Variants in LAMA1 observed in about 807,000 individuals in gnomAD.
LAMA1 encodes laminin subunit alpha-1.
Under a neutral mutation model 348.7 loss-of-function variants are expected in LAMA1, and 219 were observed. That is an observed-to-expected ratio of 0.63 (90% CI 0.56 to 0.70). LAMA1 has a LOEUF of 0.70. LAMA1 is among the 30% of genes least tolerant of loss of function. The probability of loss-of-function intolerance (pLI) is 0.00; values close to 1 mark genes in which losing one functional copy is unlikely to be tolerated. For missense variants in LAMA1, 3,744 were observed against 3,888.0 expected (o/e 0.96, Z 0.99); for synonymous variants, 1,487 against 1,491.0 (o/e 1.00, Z 0.06).
chr18:7,050,370 A>T (rs1417403155), intron 4 of LAMA1, among the ~76,000 whole-genome samples: 1 of 152,170 alleles, frequency 6.6e-6, no homozygotes, highest in African/African-American at 2.4e-5. Flanking sequence ...AGGGAACTAC[A>T]ACTTTGGGGG....
At chr18:7,004,039 A>AT (rs2057820706) in intron 29 of LAMA1, among the ~76,000 whole-genome samples, 1 of 152,130 alleles carries the variant, frequency 6.6e-6, no homozygotes, top group Non-Finnish European at 1.5e-5. Flanking sequence ...AGAATTGAAG[A>AT]TTTTCAGGTT....
At chr18:7,003,891 A>T (rs2057820020) in intron 29 of LAMA1, among the ~76,000 whole-genome samples, 1 of 152,196 alleles carries the variant, frequency 6.6e-6, no homozygotes, top group Admixed American at 6.5e-5. Context: ...CCTGATGAGG[A>T]TAAATTTTAC....
intron 36 of LAMA1, among the ~76,000 whole-genome samples, chr18:6,988,514 C>T (rs1013523317): frequency 2.0e-5 from 3 of 152,170 alleles, no homozygotes; most frequent in African/African-American, 4.8e-5. Context: ...AATGACATAT[C>T]TTTGGTCGGG....
chr18:7,006,784 A>C (rs1486825596), intron 29 of LAMA1, among the ~76,000 whole-genome samples: 1 of 152,220 alleles, frequency 6.6e-6, no homozygotes, highest in Non-Finnish European at 1.5e-5. Context: ...GCATCTAACT[A>C]TAACTAACAT....
intron 56 of LAMA1, 191 bp downstream of exon 56, chr18:6,956,445 C>T (rs780013986): frequency 3.8e-5 from 32 of 838,668 alleles, no homozygotes; most frequent in South Asian, 3.3e-4. Flanking sequence ...TGGATTGGGC[C>T]GTGTCATCTG....
At chr18:7,021,352 C>A (rs1162978781) in intron 19 of LAMA1, among the ~76,000 whole-genome samples, 1 of 152,142 alleles carries the variant, frequency 6.6e-6, no homozygotes, top group Non-Finnish European at 1.5e-5. Context: ...AAGCGAAGAA[C>A]CAAATCTCTG....
intron 48 of LAMA1, among the ~76,000 whole-genome samples, chr18:6,969,492 C>T (rs2057648712): frequency 6.6e-6 from 1 of 152,186 alleles, no homozygotes; most frequent in South Asian, 2.1e-4. Flanking sequence ...TTTTTTAACT[C>T]AGTGTTTCCC....
At chr18:7,067,714 T>C (rs1462166916) in intron 3 of LAMA1, among the ~76,000 whole-genome samples, 1 of 152,132 alleles carries the variant, frequency 6.6e-6, no homozygotes, top group Non-Finnish European at 1.5e-5. Context: ...CGAGAGGAAA[T>C]GTTTATTCTA....
At chr18:6,987,939 A>C (rs1683067996) in intron 36 of LAMA1, among the ~76,000 whole-genome samples, 1 of 152,176 alleles carries the variant, frequency 6.6e-6, no homozygotes, top group African/African-American at 2.4e-5. Flanking sequence ...TAAATAAGAT[A>C]TCTCTCTAAG....
intron 57 of LAMA1, among the ~76,000 whole-genome samples, chr18:6,953,296 G>A (rs2143983761): frequency 6.6e-6 from 1 of 152,394 alleles, no homozygotes; most frequent in East Asian, 1.9e-4. Flanking sequence ...AGTACAGCGG[G>A]GCTTGTGTTC....
chr18:6,949,352 G>A (rs2143971800), intron 58 of LAMA1, 93 bp from the exon 59 acceptor site: 1 of 1,248,174 alleles, frequency 8.0e-7, no homozygotes, highest in Non-Finnish European at 1.2e-6. Context: ...ATCTGTTTCT[G>A]AGAGCTATAA....
intron 53 of LAMA1, among the ~76,000 whole-genome samples, chr18:6,961,186 A>G (rs1013347714): frequency 1.3e-5 from 2 of 152,186 alleles, no homozygotes; most frequent in African/African-American, 4.8e-5. Flanking sequence ...TTTCAATCCT[A>G]TAATAGATAA....
intron 3 of LAMA1, chr18:7,076,727 A>T (rs2058169820): frequency 6.6e-6 from 1 of 152,136 alleles, no homozygotes; most frequent in Non-Finnish European, 1.5e-5. Flanking sequence ...GTGGATGGGA[A>T]AAGAGTTATT....
At chr18:7,057,599 C>A (rs2058087304) in intron 3 of LAMA1, among the ~76,000 whole-genome samples, 3 of 150,788 alleles carry the variant, frequency 2.0e-5, no homozygotes, top group Admixed American at 2.0e-4. Context: ...CTCAGCCTCC[C>A]AAATCTCTGG....
chr18:6,956,098 T>C, intron 56 of LAMA1: 1 of 308,880 alleles, frequency 3.2e-6, no homozygotes, highest in Non-Finnish European at 6.2e-6. Flanking sequence ...AGCCTCGCCC[T>C]GCTCAGAAGG....
chr18:7,105,408 G>A (rs907758847), intron 1 of LAMA1, among the ~76,000 whole-genome samples: 1 of 151,748 alleles, frequency 6.6e-6, no homozygotes, highest in African/African-American at 2.4e-5. Flanking sequence ...CTCTGCACTC[G>A]AGCCTCGGCG....
chr18:7,012,179 A>T (rs2057863805), intron 23 of LAMA1, 41 bp from the exon 24 acceptor site: 1 of 1,604,308 alleles, frequency 6.2e-7, no homozygotes, highest in Non-Finnish European at 8.5e-7. Context: ...TGCCTAAAAA[A>T]GAGATGTGAT....
At chr18:7,013,362 GA>G (rs2057870028) in intron 23 of LAMA1, among the ~76,000 whole-genome samples, 1 of 152,050 alleles carries the variant, frequency 6.6e-6, no homozygotes. Flanking sequence ...AGCACATTGG[GA>G]AAACTAACGG....
Position 6,974,928 on chromosome 18 carries a change from T to C in LAMA1, c.6598A>G (p.Arg2200Gly). 1 of 1,614,194 alleles carries C rather than the reference T, an allele frequency of 6.2e-7. No homozygotes were observed. The highest frequency in any genetic ancestry group is 8.5e-7 in the Non-Finnish European group (1 of 1,180,038). Residue 2200 changes from arginine (R) to glycine (G), a missense_variant, in exon 46 of 63, where the codon AGA (arginine) becomes GGA (glycine). By Grantham distance (125) the Arg-to-Gly change is moderately radical. Transcript: ENST00000389658. ...EFPDFPIDDN[R>G]WHSIHVARFG... ...CTGGCTACATGGATACTGTGCCATC[T>C]GTTGTCATCAATGGGAAAGTCTGGA...
Sources: allele counts gnomAD v4.1 joint callset (sites outside exome capture counted in the v4.1 genomes callset), GRCh38; gene constraint gnomAD v4.1.1; transcripts MANE v1.5; gene names NCBI Gene and HGNC (gene_info 2026-07-23, HGNC 2026-07-21).